KCNJ6: variants seen among roughly 807,000 people sequenced by gnomAD.
KCNJ6 encodes the protein G protein-activated inward rectifier potassium channel 2.
KCNJ6 carries 9 observed loss-of-function variants against 34.2 expected under a neutral mutation model. The ratio of observed to expected loss-of-function variants is 0.26; its 90% CI spans 0.16 to 0.46. The LOEUF (loss-of-function observed/expected upper bound fraction) is 0.46. Among genes scored for constraint, KCNJ6 ranks in the 20% least tolerant of loss-of-function variants. The probability of loss-of-function intolerance (pLI) is 1.00; values close to 1 mark genes in which losing one functional copy is unlikely to be tolerated. For missense variants in KCNJ6, 236 were observed against 531.3 expected, an observed-to-expected ratio of 0.44 and a Z score of 5.46; for synonymous variants, 196 against 207.1, an observed-to-expected ratio of 0.95 and a Z score of 0.46.
At chr21:37,786,895 T>C (rs2055195194) in intron 2 of KCNJ6, among the ~76,000 whole-genome samples, 1 of 152,226 alleles carries the variant, frequency 6.6e-6, no homozygotes, top group African/African-American at 2.4e-5. Context: ...GTTTTAGCTA[T>C]GATTGTTTAG....
rs138780985 is a variant in KCNJ6 at position 37,792,849 on chromosome 21, T to A, written c.25+47809A>T. On this transcript the variant is annotated intron_variant, in intron 2 of 3. Coordinates refer to ENST00000609713, the MANE Select transcript of KCNJ6 (RefSeq NM_002240.5). ...GAAGCACTTCATGAGAGTTAGTTGC[T>A]GTTGCTTGCTACGTGTACATTCTGT... 2.7e-3 allele frequency among the ~76,000 whole-genome samples: 411 copies of A among 152,270 alleles called. 1 individual carries two copies. Among genetic ancestry groups the A allele is most frequent in the African/African-American group, 9.5e-3 (394 of 41,554 alleles).
At chr21:37,658,490 A>G (rs1237911172) in intron 3 of KCNJ6, among the ~76,000 whole-genome samples, 3 of 152,248 alleles carry the variant, frequency 2.0e-5, no homozygotes, top group Non-Finnish European at 4.4e-5. Flanking sequence ...GTTAGCAGGC[A>G]ACTTTGTGAT....
At chr21:37,650,648 A>G (rs1342258142) in intron 3 of KCNJ6, among the ~76,000 whole-genome samples, 1 of 152,060 alleles carries the variant, frequency 6.6e-6, no homozygotes, top group Non-Finnish European at 1.5e-5. Context: ...TGCTTCATCT[A>G]TTGTCTGAAG....
intron 2 of KCNJ6, among the ~76,000 whole-genome samples, chr21:37,777,763 C>A (rs1404651206): frequency 1.3e-5 from 2 of 152,192 alleles, no homozygotes; most frequent in East Asian, 3.8e-4. Flanking sequence ...AATTAAGCAT[C>A]TGATGCAGGC....
intron 1 of KCNJ6, among the ~76,000 whole-genome samples, chr21:37,843,257 A>C (rs2055490059): frequency 6.6e-6 from 1 of 152,086 alleles, no homozygotes; most frequent in South Asian, 2.1e-4. Context: ...GATGTGCTGG[A>C]TATCTTAGTC....
At chr21:37,658,719 G>A (rs539329518) in intron 3 of KCNJ6, among the ~76,000 whole-genome samples, 17 of 152,188 alleles carry the variant, frequency 1.1e-4, no homozygotes, top group Non-Finnish European at 2.4e-4. Flanking sequence ...GGCTCACTGG[G>A]GTGGAAGGGA....
intron 1 of KCNJ6, among the ~76,000 whole-genome samples, chr21:37,870,929 T>C (rs1228199588): frequency 1.3e-5 from 2 of 152,224 alleles, no homozygotes; most frequent in African/African-American, 4.8e-5. Context: ...TTTGTGCATC[T>C]TACAGACTCA....
chr21:37,876,850 T>C (rs2055681108), intron 1 of KCNJ6, among the ~76,000 whole-genome samples: 1 of 152,116 alleles, frequency 6.6e-6, no homozygotes, highest in Non-Finnish European at 1.5e-5. Flanking sequence ...AGAAGCAACA[T>C]TAAACCTGAG....
chr21:37,632,766 CAT>C (rs1165261514), intron 3 of KCNJ6, among the ~76,000 whole-genome samples: 5 of 151,990 alleles, frequency 3.3e-5, no homozygotes, highest in African/African-American at 1.2e-4. Flanking sequence ...TTTTCTAAAT[CAT>C]ATAAATTACC....
rs761957375 is a variant in KCNJ6, at chr21:37,907,660, T to G, written c.-28+8224A>C. Among the ~76,000 whole-genome samples, 55 of 152,312 alleles carry G rather than the reference T, an allele frequency of 3.6e-4. 1 individual carries two copies. The highest frequency in any genetic ancestry group is 3.4e-3 in the Middle Eastern group (1 of 294). On this transcript the variant is annotated intron_variant, in intron 1 of 3. Coordinates refer to ENST00000609713, the MANE Select transcript of KCNJ6 (RefSeq NM_002240.5). ...GAACCAAAATATGTCACTTTGTAGC[T>G]TCCACTGCTGGGTCCCACTTTTATC... is the stretch of plus-strand genomic sequence containing the variant.
At chr21:37,822,357 TGC>T (rs1301533400) in intron 2 of KCNJ6, among the ~76,000 whole-genome samples, 5 of 151,892 alleles carry the variant, frequency 3.3e-5, no homozygotes, top group Non-Finnish European at 7.4e-5. Context: ...AAGGTGGGGG[TGC>T]TGCCAGGGCT....
At chr21:37,859,736 C>T (rs190947570) in intron 1 of KCNJ6, among the ~76,000 whole-genome samples, 1 of 150,802 alleles carries the variant, frequency 6.6e-6, no homozygotes, top group East Asian at 2.0e-4. Context: ...TCTGAAATTT[C>T]TTGATTTCAG....
chr21:37,674,726 C>T (rs913303015), intron 3 of KCNJ6, among the ~76,000 whole-genome samples: 1 of 151,732 alleles, frequency 6.6e-6, no homozygotes, highest in Non-Finnish European at 1.5e-5. Context: ...CCTCCAGAGC[C>T]GTGATTCCTT....
At chr21:37,902,743 C>T (rs1212293929) in intron 1 of KCNJ6, among the ~76,000 whole-genome samples, 2 of 152,126 alleles carry the variant, frequency 1.3e-5, no homozygotes, top group African/African-American at 4.8e-5. Context: ...AGACAGTGCC[C>T]ATGGTGAGAA....
chr21:37,672,412 G>T (rs1056460199), intron 3 of KCNJ6, among the ~76,000 whole-genome samples: 1 of 151,980 alleles, frequency 6.6e-6, no homozygotes, highest in East Asian at 1.9e-4. Flanking sequence ...GGGAAAGCAG[G>T]AGACCTGGAG....
At chr21:37,765,142 T>C (rs1221610623) in intron 2 of KCNJ6, among the ~76,000 whole-genome samples, 1 of 152,260 alleles carries the variant, frequency 6.6e-6, no homozygotes, top group Non-Finnish European at 1.5e-5. Context: ...TATTTTGTCA[T>C]ATTTTACTGT....
intron 2 of KCNJ6, among the ~76,000 whole-genome samples, chr21:37,803,977 T>C (rs1338582870): frequency 1.3e-5 from 2 of 152,158 alleles, no homozygotes; most frequent in African/African-American, 4.8e-5. Flanking sequence ...CACTTTGAAT[T>C]TTATTTCTGA....
intron 2 of KCNJ6, among the ~76,000 whole-genome samples, chr21:37,822,867 G>A (rs1471447137): frequency 6.6e-6 from 1 of 152,102 alleles, no homozygotes; most frequent in Admixed American, 6.5e-5. Context: ...ACACCAAAAC[G>A]GGGGACTCGA....
At chr21:37,896,539 T>C (rs1331396881) in intron 1 of KCNJ6, among the ~76,000 whole-genome samples, 3 of 152,146 alleles carry the variant, frequency 2.0e-5, no homozygotes, top group African/African-American at 7.2e-5. Flanking sequence ...GCACGGAACA[T>C]GCATTTTCTT....
Sources: gnomAD v4.1 joint callset for allele counts (sites outside exome capture counted in the v4.1 genomes callset) on GRCh38, gnomAD v4.1.1 for gene constraint, MANE v1.5 for transcripts, NCBI Gene and HGNC (gene_info 2026-07-23, HGNC 2026-07-21) for gene names.